FAM234A: variants seen among roughly 807,000 people sequenced by gnomAD.
FAM234A encodes protein FAM234A.
A neutral mutation model predicts 49.1 loss-of-function variants in FAM234A; 42 were observed. The observed-to-expected ratio is 0.86, with a 90% CI of 0.67 to 1.11. The LOEUF (loss-of-function observed/expected upper bound fraction) is 1.11. Ranked by LOEUF, FAM234A falls within the 50% of genes least tolerant of loss-of-function variation. The pLI, the probability that FAM234A is intolerant of heterozygous loss-of-function variation, is 0.00. For missense variants in FAM234A, 815 were observed against 745.2 expected, an observed-to-expected ratio of 1.09 and a Z score of -1.09; for synonymous variants, 369 against 316.2, an observed-to-expected ratio of 1.17 and a Z score of -1.77.
chr16:239,241 A>C (rs2050524985), intron 1 of FAM234A, among the ~76,000 whole-genome samples: 1 of 137,314 alleles, frequency 7.3e-6, no homozygotes, highest in Non-Finnish European at 1.5e-5. Flanking sequence ...CAGAGGTTGC[A>C]GTGAGCTGAG....
chr16:257,089 G>A (rs897146952), intron 3 of FAM234A, among the ~76,000 whole-genome samples: 2 of 152,076 alleles, frequency 1.3e-5, no homozygotes, highest in Non-Finnish European at 2.9e-5. Context: ...ATGTTGGCCA[G>A]GCTGATCTCA....
intron 1 of FAM234A, chr16:248,183 CCG>C (rs2050881941): frequency 6.6e-6 from 1 of 152,120 alleles, no homozygotes; most frequent in Non-Finnish European, 1.5e-5. Context: ...AAATCCCCAA[CCG>C]TGTTACTAAT....
At chr16:258,171 T>A (rs1158924457) in intron 3 of FAM234A, among the ~76,000 whole-genome samples, 3 of 151,866 alleles carry the variant, frequency 2.0e-5, no homozygotes, top group East Asian at 3.9e-4. Context: ...TTTTTTTTTT[T>A]TTATTGATCA....
Position 244,263 on chromosome 16 carries a change from C to T in FAM234A, c.-139-5286C>T, listed in dbSNP as rs189199817. 4.2e-3 allele frequency among the ~76,000 whole-genome samples: 635 copies of T among 152,286 alleles called. 5 individuals carry two copies. The highest frequency in any genetic ancestry group is 0.014 in the African/African-American group (564 of 41,558). On this transcript the variant is annotated intron_variant, in intron 1 of 12. Transcript: ENST00000399932. ...GATTACAGGCGTGAGCCACCGCGCC[C>T]GGTCGGAAAATGATTTTAATGGATG...
At chr16:258,402 T>C (rs904456821) in intron 3 of FAM234A, among the ~76,000 whole-genome samples, 2 of 152,138 alleles carry the variant, frequency 1.3e-5, no homozygotes, top group Non-Finnish European at 2.9e-5. Context: ...AAAGCACATC[T>C]TGCACCGCCC....
chr16:236,099 C>T (rs550433999), intron 1 of FAM234A, among the ~76,000 whole-genome samples: 1 of 152,104 alleles, frequency 6.6e-6, no homozygotes, highest in South Asian at 2.1e-4. Context: ...ATTACAGGTG[C>T]CCGCCACCAC....
rs75891697 is a variant in FAM234A at position 263,294 on chromosome 16, C to G, written c.1004C>G (p.Pro335Arg). ...SGAVRYLMHV[P>R]GNAGADVLLV... is the part of the protein sequence containing the mutation. ...GCAGTGCGCTACCTGATGCATGTCCCAGGGAACGCCGGTGCAGATGTGCTT... is the reference window on the plus strand; with the variant it reads ...GCAGTGCGCTACCTGATGCATGTCCGAGGGAACGCCGGTGCAGATGTGCTT... Residue 335 changes from proline to arginine, a missense_variant, in exon 9 of 13, where the codon CCA (proline) becomes CGA (arginine). By Grantham distance (103) the Pro-to-Arg change is moderately radical. Coordinates refer to ENST00000399932, the MANE Select transcript of FAM234A (RefSeq NM_032039.4). 2 of 1,613,162 alleles carry G rather than the reference C, an allele frequency of 1.2e-6. No individual in the cohort carries two copies. Among genetic ancestry groups the G allele is most frequent in the African/African-American group, 2.7e-5 (2 of 75,062 alleles).
In FAM234A at chr16:264,105, G is replaced by A. The variant is rs765527749; in HGVS notation, c.1278G>A (p.Pro426=). The A allele has an allele frequency of 2.1e-5, 34 of 1,611,610 alleles. No homozygotes were observed. The highest frequency in any genetic ancestry group is 6.7e-5 in the East Asian group (3 of 44,878). Reference sequence around the variant, plus strand: ...GGGGTCCACTGTCCGCCAGCCTGCCGACCGCAGACCACCGCTCAGCCTTCT... The same window carrying A: ...GGGGTCCACTGTCCGCCAGCCTGCCAACCGCAGACCACCGCTCAGCCTTCT... ...LPGGPLSASL[P]TADHRSAFFF... The change falls in exon 11 of 13, where the codon CCG becomes CCA. Residue 426 remains proline, a synonymous_variant. Coordinates refer to ENST00000399932, the MANE Select transcript of FAM234A (RefSeq NM_032039.4).
intron 1 of FAM234A, among the ~76,000 whole-genome samples, chr16:245,158 G>A (rs1012413894): frequency 1.3e-5 from 2 of 151,952 alleles, no homozygotes; most frequent in East Asian, 1.9e-4. Flanking sequence ...ACCAGCCTGG[G>A]CAACGTGGCG....
At chr16:235,306 C>A (rs1390272821) in intron 1 of FAM234A, among the ~76,000 whole-genome samples, 1 of 151,962 alleles carries the variant, frequency 6.6e-6, no homozygotes, top group Non-Finnish European at 1.5e-5. Context: ...TCACGGGGGT[C>A]GGAGAGGCGT....
In FAM234A at chr16:264,021, G is replaced by A; in HGVS notation, c.1194G>A (p.Leu398=). 6 of 1,612,374 alleles carry A rather than the reference G, an allele frequency of 3.7e-6. No individual in the cohort carries two copies. Among genetic ancestry groups the A allele is most frequent in the Non-Finnish European group, 5.1e-6 (6 of 1,179,346 alleles). ...ENGTGTDRQI[L]FLDLGTGAVL... ...AGTGTCCCCTCCCTCCCCAGATCCTGTTTCTGGACCTTGGCACTGGAGCCG... is the reference window on the plus strand; with the variant it reads ...AGTGTCCCCTCCCTCCCCAGATCCTATTTCTGGACCTTGGCACTGGAGCCG... The change falls in exon 11 of 13, where the codon CTG becomes CTA. Residue 398 remains leucine (L), a synonymous_variant. Coordinates refer to ENST00000399932, the MANE Select transcript of FAM234A (RefSeq NM_032039.4).
chr16:262,590 C>T (rs890817788), intron 8 of FAM234A, 37 bp downstream of exon 8: 46 of 1,538,744 alleles, frequency 3.0e-5, no homozygotes, highest in African/African-American at 6.9e-5. Flanking sequence ...ATGCAGAGCG[C>T]CCACCCCATG....
chr16:245,441 A>C (rs1249604465), intron 1 of FAM234A, among the ~76,000 whole-genome samples: 1 of 152,118 alleles, frequency 6.6e-6, no homozygotes, highest in Non-Finnish European at 1.5e-5. Context: ...GGCACCGGCC[A>C]CTGGCGTGTG....
Position 238,896 on chromosome 16 carries a change from A to G in FAM234A, c.-140+4039A>G, listed in dbSNP as rs186866573. 2.2e-3 allele frequency among the ~76,000 whole-genome samples: 329 copies of G among 149,244 alleles called. 1 individual carries two copies. The highest frequency in any genetic ancestry group is 7.9e-3 in the African/African-American group (318 of 40,446). On this transcript the variant is annotated intron_variant, in intron 1 of 12. Coordinates refer to ENST00000399932, the MANE Select transcript of FAM234A (RefSeq NM_032039.4). ...TCAGGAGATCGAGACTATCCTGGCT[A>G]ACATGGTGAAACCCCATCTCTACAA...
At chr16:260,684 C>A in intron 5 of FAM234A, 1 of 467,528 alleles carries the variant, frequency 2.1e-6, no homozygotes, top group Non-Finnish European at 4.5e-6. Flanking sequence ...TGCACCTCAT[C>A]GCGGTCTGGA....
chr16:247,238 C>T (rs1435687923), intron 1 of FAM234A, among the ~76,000 whole-genome samples: 2 of 151,836 alleles, frequency 1.3e-5, no homozygotes, highest in African/African-American at 2.4e-5. Context: ...TCAAGTGACC[C>T]TCCCACCTCA....
At chr16:268,961 A>G (rs1207958652), downstream of FAM234A, 1 of 1,548,648 alleles carries the variant, frequency 6.5e-7, no homozygotes, top group African/African-American at 1.4e-5. Flanking sequence ...ACTGAAGACC[A>G]GAGAAGGTGG....
chr16:263,439 C>T, intron 9 of FAM234A, 37 bp downstream of exon 9: 1 of 1,598,410 alleles, frequency 6.3e-7, no homozygotes, highest in South Asian at 1.1e-5. Context: ...AGGTGCTGCA[C>T]CCCTTCCCGG....
intron 5 of FAM234A, chr16:260,887 C>T (rs548964224): frequency 6.0e-4 from 200 of 331,440 alleles, no homozygotes; most frequent in African/African-American, 4.0e-3. Flanking sequence ...GATCTGCCTC[C>T]GGGCGCACAC....
Sources: allele counts gnomAD v4.1 joint callset (sites outside exome capture counted in the v4.1 genomes callset), GRCh38; gene constraint gnomAD v4.1.1; transcripts MANE v1.5; gene names NCBI Gene and HGNC (gene_info 2026-07-23, HGNC 2026-07-21).